Variants in SYNPO2 observed in about 807,000 individuals in gnomAD.
SYNPO2 encodes synaptopodin 2.
SYNPO2 carries 56 observed loss-of-function variants against 85.0 expected under a neutral mutation model. The ratio of observed to expected loss-of-function variants is 0.66; its 90% CI spans 0.53 to 0.82. The LOEUF (loss-of-function observed/expected upper bound fraction) is 0.82, where lower values mean the gene tolerates loss of function less well. Ranked by LOEUF, SYNPO2 falls within the 40% of genes least tolerant of loss-of-function variation. The pLI is 0.00. For missense variants in SYNPO2, 1,575 were observed against 1,534.2 expected (o/e 1.03, Z -0.44); for synonymous variants, 602 against 591.1 (o/e 1.02, Z -0.27).
At chr4:118,892,749 C>T (rs760183460) in intron 1 of SYNPO2, among the ~76,000 whole-genome samples, 39 of 152,070 alleles carry the variant, frequency 2.6e-4, no homozygotes, top group Non-Finnish European at 5.4e-4. Flanking sequence ...AAATCTTATG[C>T]ACCACTATAG....
chr4:119,032,163 GAT>G, intron 4 of SYNPO2, 136 bp downstream of exon 4: 1 of 1,478,908 alleles, frequency 6.8e-7, no homozygotes, highest in South Asian at 1.4e-5. Flanking sequence ...CTTAATTTCA[GAT>G]ATGTCACCTC....
At chr4:118,985,718 G>T (rs1190984554) in intron 1 of SYNPO2, among the ~76,000 whole-genome samples, 1 of 152,220 alleles carries the variant, frequency 6.6e-6, no homozygotes, top group Admixed American at 6.5e-5. Flanking sequence ...TTTAACATCT[G>T]CTGGCTGGGC....
At chr4:119,024,819 A>G (rs1737869340) in intron 2 of SYNPO2, among the ~76,000 whole-genome samples, 1 of 152,210 alleles carries the variant, frequency 6.6e-6, no homozygotes, top group Non-Finnish European at 1.5e-5. Context: ...GTTTCCTGCA[A>G]TAAATATTTC....
At chr4:118,852,432 C>T (rs1011156122) in intron 1 of SYNPO2, among the ~76,000 whole-genome samples, 1 of 152,204 alleles carries the variant, frequency 6.6e-6, no homozygotes, top group Non-Finnish European at 1.5e-5. Context: ...ATGTTCATTA[C>T]AGCAGTATTC....
intron 1 of SYNPO2, among the ~76,000 whole-genome samples, chr4:118,979,390 G>A (rs1405676477): frequency 6.6e-6 from 1 of 152,132 alleles, no homozygotes; most frequent in Non-Finnish European, 1.5e-5. Flanking sequence ...AATTTACTTT[G>A]TAAACCCCTT....
chr4:118,908,704 T>A (rs574951247), intron 1 of SYNPO2, among the ~76,000 whole-genome samples: 1 of 152,260 alleles, frequency 6.6e-6, no homozygotes, highest in East Asian at 1.9e-4. Context: ...AAATAGGTTG[T>A]GCACATGATA....
At chr4:118,932,325 A>C (rs561617960) in intron 1 of SYNPO2, among the ~76,000 whole-genome samples, 1 of 152,354 alleles carries the variant, frequency 6.6e-6, no homozygotes, top group Non-Finnish European at 1.5e-5. Flanking sequence ...AGAAGATACC[A>C]GGTTAGAAAA....
At chr4:118,994,727 G>C (rs957438309) in intron 1 of SYNPO2, among the ~76,000 whole-genome samples, 5 of 152,156 alleles carry the variant, frequency 3.3e-5, no homozygotes, top group African/African-American at 2.4e-5. Context: ...AAAGTGGCAT[G>C]TTATTCCCAT....
chr4:118,987,717 A>G (rs1736271752), intron 1 of SYNPO2, among the ~76,000 whole-genome samples: 1 of 151,696 alleles, frequency 6.6e-6, no homozygotes, highest in African/African-American at 2.4e-5. Flanking sequence ...GTACTGATGC[A>G]TCTGAAAGTA....
intron 1 of SYNPO2, among the ~76,000 whole-genome samples, chr4:118,856,587 G>A (rs527606964): frequency 6.6e-6 from 1 of 152,052 alleles, no homozygotes; most frequent in African/African-American, 2.4e-5. Context: ...TGCCCAGGCT[G>A]AAGTGCTCAC....
intron 1 of SYNPO2, among the ~76,000 whole-genome samples, chr4:118,927,750 G>GATA (rs1560874314): frequency 5.2e-5 from 6 of 115,474 alleles, no homozygotes; most frequent in Admixed American, 8.3e-5. Flanking sequence ...ATAGATAGAT[G>GATA]ATAGATAGAT....
rs376325359 is a variant in SYNPO2, at chr4:118,873,953, G to A, written c.12+23013G>A. Among the ~76,000 whole-genome samples, 25 of 111,294 alleles carry A rather than the reference G, an allele frequency of 2.2e-4. No homozygotes were observed. In the South Asian group the frequency reaches 2.9e-3, roughly 13 times the overall value. The allele number at this position is 111,294 out of a possible 152,430, so 73.0% of individuals were successfully genotyped here. A position where few individuals can be genotyped will look rare whatever the true frequency, so the allele number is the denominator to read the frequency against. On this transcript the variant is annotated intron_variant, in intron 1 of 4. Coordinates refer to the SYNPO2 transcript ENST00000610556. ...TTAAAAAGAGTGTCCTTTTCCCACC[G>A]GCATTTATTAAAAAGAGTGTCCTTT... is the stretch of plus-strand genomic sequence containing the variant.
At chr4:119,029,754 T>G in intron 3 of SYNPO2, 91 bp from the exon 4 acceptor site, 4 of 1,358,598 alleles carry the variant, frequency 2.9e-6, no homozygotes, top group Non-Finnish European at 3.9e-6. Flanking sequence ...ACATATTTAT[T>G]TTCCCCCAGG....
At chr4:118,867,825 T>C (rs1049667485) in intron 1 of SYNPO2, among the ~76,000 whole-genome samples, 1 of 152,126 alleles carries the variant, frequency 6.6e-6, no homozygotes, top group Non-Finnish European at 1.5e-5. Context: ...GCAAAGTATC[T>C]TGCATCATTC....
chr4:118,961,161 C>T (rs1735075828), intron 1 of SYNPO2, among the ~76,000 whole-genome samples: 1 of 135,750 alleles, frequency 7.4e-6, no homozygotes, highest in Non-Finnish European at 1.5e-5. Flanking sequence ...TTGCTTGTCA[C>T]TACTAGGGAG....
At chr4:119,033,135 C>G (rs2149192742) in intron 4 of SYNPO2, 1 of 985,404 alleles carries the variant, frequency 1.0e-6, no homozygotes, top group South Asian at 4.7e-5. Flanking sequence ...TGAAGGTTTA[C>G]TGACTGACTA....
intron 1 of SYNPO2, among the ~76,000 whole-genome samples, chr4:119,021,563 A>G (rs1179576856): frequency 6.6e-6 from 1 of 152,198 alleles, no homozygotes; most frequent in Non-Finnish European, 1.5e-5. Flanking sequence ...ATTGAGAACA[A>G]TTGAACTCAT....
intron 1 of SYNPO2, among the ~76,000 whole-genome samples, chr4:118,962,594 A>C (rs1490806041): frequency 1.3e-5 from 2 of 152,194 alleles, no homozygotes; most frequent in Non-Finnish European, 2.9e-5. Flanking sequence ...TATTAGGAGA[A>C]CTTTGACTAT....
intron 1 of SYNPO2, among the ~76,000 whole-genome samples, chr4:118,940,135 G>A (rs1398400499): frequency 6.6e-6 from 1 of 151,856 alleles, no homozygotes; most frequent in African/African-American, 2.4e-5. Flanking sequence ...ACAGGTACAC[G>A]CCACCAAGCC....
Sources: allele counts gnomAD v4.1 joint callset (sites outside exome capture counted in the v4.1 genomes callset), GRCh38; gene constraint gnomAD v4.1.1; transcripts MANE v1.5; gene names NCBI Gene and HGNC (gene_info 2026-07-23, HGNC 2026-07-21).